Variants in FA2H observed in about 807,000 individuals in gnomAD.
The protein encoded by FA2H is fatty acid alpha-hydroxylase.
FA2H carries 22 observed loss-of-function variants against 44.9 expected under a neutral mutation model. The ratio of observed to expected loss-of-function variants is 0.49; its 90% confidence interval spans 0.35 to 0.70. The LOEUF (loss-of-function observed/expected upper bound fraction) is 0.70, where lower values mean the gene tolerates loss of function less well. Among genes scored for constraint, FA2H ranks in the 30% least tolerant of loss-of-function variants. The pLI is 0.01. For missense variants in FA2H, 501 were observed against 504.9 expected (o/e 0.99, Z 0.07); for synonymous variants, 243 against 213.2 (o/e 1.14, Z -1.22).
In FA2H at chr16:74,714,128, C is replaced by T. The variant is rs528642838; in HGVS notation, c.*62G>A. On this transcript the variant is annotated 3_prime_UTR_variant, in exon 7 of 7. Coordinates refer to ENST00000219368, the MANE Select transcript of FA2H (RefSeq NM_024306.5). Reference sequence around the variant, plus strand: ...AACCTTCTTAATGGGGTCTGAATGGCGGGTGGGGGTCGGGAAGGGGCCAGG... The same window carrying T: ...AACCTTCTTAATGGGGTCTGAATGGTGGGTGGGGGTCGGGAAGGGGCCAGG... 1,320 of 900,166 alleles carry T rather than the reference C, an allele frequency of 1.5e-3. 4 individuals carry two copies. The highest frequency in any genetic ancestry group is 2.0e-3 in the Non-Finnish European group (1,196 of 590,896). The allele number at this position is 900,166 out of a possible 1,614,324, so 55.8% of individuals were successfully genotyped here.
intron 1 of FA2H, among the ~76,000 whole-genome samples, chr16:74,759,746 T>C (rs7198396): frequency 0.022 from 3,277 of 152,304 alleles, 121 homozygotes; most frequent in African/African-American, 0.073. Flanking sequence ...TGTCTGCCTA[T>C]GGGATACTGT....
chr16:74,774,583 A>T lies in FA2H; in HGVS notation c.173T>A (p.Ile58Asn). 6.5e-7 allele frequency: 1 copy of T among 1,536,560 alleles called. No individual in the cohort carries two copies. Among genetic ancestry groups the T allele is most frequent in the Non-Finnish European group, 8.7e-7 (1 of 1,150,986 alleles). The change falls in exon 1 of 7, where the codon ATC (isoleucine) becomes AAC (asparagine). Residue 58 changes from isoleucine (I) to asparagine (N), a missense_variant. Coordinates refer to ENST00000219368, the MANE Select transcript of FA2H (RefSeq NM_024306.5). ...CGGCGGCCCGTCCAGGTCGGCGCTGATGTCCTGGCCCGCCCTGGCCCGCAG... is the reference window on the plus strand; with the variant it reads ...CGGCGGCCCGTCCAGGTCGGCGCTGTTGTCCTGGCCCGCCCTGGCCCGCAG... ...QLLRARAGQDISADLDGPPHR... is the reference protein window; with the variant it reads ...QLLRARAGQDNSADLDGPPHR...
intron 4 of FA2H, among the ~76,000 whole-genome samples, chr16:74,719,525 T>C (rs552082475): frequency 2.0e-5 from 3 of 152,108 alleles, no homozygotes; most frequent in Admixed American, 6.5e-5. Context: ...GTTGTTATTA[T>C]TATCTTGAGA....
intron 1 of FA2H, among the ~76,000 whole-genome samples, chr16:74,752,550 T>A (rs556058911): frequency 6.8e-4 from 103 of 152,292 alleles, no homozygotes; most frequent in African/African-American, 2.4e-3. Flanking sequence ...ATACAGAATG[T>A]TTCTATTCTA....
intron 1 of FA2H, among the ~76,000 whole-genome samples, chr16:74,773,776 T>G (rs1489617150): frequency 6.6e-6 from 1 of 152,220 alleles, no homozygotes; most frequent in Non-Finnish European, 1.5e-5. Flanking sequence ...CGGGAGCTGG[T>G]ACTGCACAGA....
chr16:74,770,976 T>A (rs1962895078), intron 1 of FA2H, among the ~76,000 whole-genome samples: 1 of 152,070 alleles, frequency 6.6e-6, no homozygotes, highest in Non-Finnish European at 1.5e-5. Context: ...ACCATGGTGC[T>A]AGGTGGTTAG....
chr16:74,716,685 GGGCACAGCGGCCCA>G, intron 5 of FA2H, 86 bp from the exon 6 acceptor site: 1 of 1,433,762 alleles, frequency 7.0e-7, no homozygotes, highest in Non-Finnish European at 9.2e-7. Flanking sequence ...CAGAGGACAG[GGGCACAGCGGCCCA>G]GACATTCCAC....
At chr16:74,744,614 G>C (rs538281613) in intron 1 of FA2H, among the ~76,000 whole-genome samples, 52 of 151,952 alleles carry the variant, frequency 3.4e-4, no homozygotes, top group Middle Eastern at 3.4e-3. Flanking sequence ...ATCATGCCCA[G>C]CTAATTTTTA....
At chr16:74,733,764 C>T (rs1316574353) in intron 2 of FA2H, among the ~76,000 whole-genome samples, 1 of 152,196 alleles carries the variant, frequency 6.6e-6, no homozygotes, top group African/African-American at 2.4e-5. Flanking sequence ...CCTGACCAAA[C>T]AATTGCCTTA....
At chr16:74,743,789 T>C (rs976278795) in intron 1 of FA2H, among the ~76,000 whole-genome samples, 10 of 152,140 alleles carry the variant, frequency 6.6e-5, no homozygotes, top group South Asian at 2.1e-4. Flanking sequence ...GGTGGCTTCA[T>C]TGGGACCACA....
At position 74,740,252 on chromosome 16, in the gene FA2H, T is replaced by C. The variant is rs924705878; in HGVS notation, c.271-137A>G. Reference sequence around the variant, plus strand: ...GCAGGGTGGTGGAGATCAAGGACGCTGGGTACTTTGGAAAACAGAGAGACC... The same window carrying C: ...GCAGGGTGGTGGAGATCAAGGACGCCGGGTACTTTGGAAAACAGAGAGACC... On this transcript the variant is annotated intron_variant, in intron 1 of 6. Coordinates refer to ENST00000219368, the MANE Select transcript of FA2H (RefSeq NM_024306.5). 3 of 729,140 alleles carry C rather than the reference T, an allele frequency of 4.1e-6. No individual in the cohort carries two copies. In the African/African-American group the frequency reaches 5.2e-5, roughly 13 times the overall value. The allele number at this position is 729,140 out of a possible 1,614,324, so 45.2% of individuals were successfully genotyped here.
At chr16:74,756,029 G>A (rs769946553) in intron 1 of FA2H, among the ~76,000 whole-genome samples, 2 of 152,184 alleles carry the variant, frequency 1.3e-5, no homozygotes, top group Admixed American at 6.5e-5. Context: ...TGAAAGGAAC[G>A]AGGAGGAGAT....
chr16:74,754,418 A>C (rs1277951469), intron 1 of FA2H, among the ~76,000 whole-genome samples: 1 of 152,112 alleles, frequency 6.6e-6, no homozygotes, highest in Non-Finnish European at 1.5e-5. Flanking sequence ...CAAAAAACAA[A>C]AAACAAAAAA....
In FA2H at chr16:74,732,549, G is replaced by C. The variant is rs28576040; in HGVS notation, c.364-5163C>G. 4.9e-3 allele frequency among the ~76,000 whole-genome samples: 739 copies of C among 151,852 alleles called. 8 individuals carry two copies. The highest frequency in any genetic ancestry group is 0.017 in the African/African-American group (711 of 41,392). On this transcript the variant is annotated intron_variant, in intron 2 of 6. Transcript: ENST00000219368. ...CTTCTCCGGTTGAAGTGATTCTCCT[G>C]CCTCAGCCTCCTGAGTAGCTGGGAC...
At chr16:74,757,006 C>A (rs1962624463) in intron 1 of FA2H, among the ~76,000 whole-genome samples, 1 of 151,386 alleles carries the variant, frequency 6.6e-6, no homozygotes, top group East Asian at 1.9e-4. Flanking sequence ...AAACCGGTGT[C>A]TTTTACTACA....
rs536876493 is a variant in FA2H, at chr16:74,747,910, G to A, written c.271-7795C>T. ...ATCAGTTTCATCTGGGATCAAGACC[G>A]CCACCAAAGGAGAGGGAATCCAACC... On this transcript the variant is annotated intron_variant, in intron 1 of 6. Transcript: ENST00000219368. Among the ~76,000 whole-genome samples, 14 of 152,218 alleles carry A rather than the reference G, an allele frequency of 9.2e-5. No individual in the cohort carries two copies. The East Asian group carries it at 2.1e-3, about 23-fold the overall frequency.
At chr16:74,752,745 G>A (rs117096467) in intron 1 of FA2H, among the ~76,000 whole-genome samples, 425 of 152,302 alleles carry the variant, frequency 2.8e-3, no homozygotes, top group Non-Finnish European at 4.1e-3. Context: ...AGGCAGCCCC[G>A]TGAGCCCCCA....
In FA2H at chr16:74,713,150, G is replaced by A. The variant is rs1323521517; in HGVS notation, c.*1040C>T. 2 of 152,716 alleles carry A rather than the reference G, an allele frequency of 1.3e-5. No individual in the cohort carries two copies. The highest frequency in any genetic ancestry group is 2.9e-5 in the Non-Finnish European group (2 of 68,028). 9.5% of individuals were successfully genotyped at this position (152,716 alleles called of 1,614,324 possible). On this transcript the variant is annotated 3_prime_UTR_variant, in exon 7 of 7. Coordinates refer to ENST00000219368, the MANE Select transcript of FA2H (RefSeq NM_024306.5). ...AGTTTTTTAAGTTTCAAGTAGTAAT[G>A]GTTTGTGGGTAAGAAAGGAACCAAA...
At chr16:74,750,761 CTGTGTGTGTG>C (rs55799456) in intron 1 of FA2H, among the ~76,000 whole-genome samples, 2 of 141,572 alleles carry the variant, frequency 1.4e-5, no homozygotes, top group South Asian at 2.2e-4. Flanking sequence ...TTTTTTTTCA[CTGTGTGTGTG>C]TGTGTGTGTG....
Sources: gnomAD v4.1 joint callset for allele counts (sites outside exome capture counted in the v4.1 genomes callset) on GRCh38, gnomAD v4.1.1 for gene constraint, MANE v1.5 for transcripts, NCBI Gene and HGNC (gene_info 2026-07-23, HGNC 2026-07-21) for gene names.